Variants in UGT1A9 observed in about 807,000 individuals in gnomAD.
UGT1A9 encodes UDP-glucuronosyltransferase 1A9.
Under a neutral mutation model 45.0 loss-of-function variants are expected in UGT1A9, and 35 were observed. The ratio of observed to expected loss-of-function variants is 0.78; its 90% CI spans 0.59 to 1.03. The LOEUF is 1.03. Ranked by LOEUF, UGT1A9 falls within the 50% of genes least tolerant of loss-of-function variation. The pLI is 0.00. For synonymous variants in UGT1A9, 278 were observed against 250.6 expected (o/e 1.11, Z -1.03); for missense variants, 687 against 666.6 (o/e 1.03, Z -0.34).
At chr2:233,747,470 G>C in intron 1 of UGT1A9, 4 of 1,608,766 alleles carry the variant, frequency 2.5e-6, no homozygotes, top group Non-Finnish European at 3.4e-6. Context: ...CATGGACCCA[G>C]GATGAATTTG....
rs558109660 is a variant in UGT1A9, at chr2:233,768,353, TA to T, written c.1211del (p.Lys404ArgfsTer5). The T allele has an allele frequency of 4.0e-5, 64 of 1,614,032 alleles. No individual in the cohort carries two copies. Among genetic ancestry groups the T allele is most frequent in the Non-Finnish European group, 5.4e-5 (64 of 1,180,040 alleles). ...TGGACAATGCAAAGCGCATGGAGAC[TA>T]AGGGAGCTGGAGTGACCCTGAATGT... ...QMDNAKRMET[K>X]GAGVTLNVLE... is the part of the protein sequence containing the mutation. On this transcript the variant is annotated frameshift_variant, in exon 4 of 5. Coordinates refer to ENST00000354728, the MANE Select transcript of UGT1A9 (RefSeq NM_021027.3). LOFTEE classifies it high-confidence loss of function.
At chr2:233,707,897 T>C (rs1272333206) in intron 1 of UGT1A9, among the ~76,000 whole-genome samples, 2 of 152,256 alleles carry the variant, frequency 1.3e-5, no homozygotes, top group Non-Finnish European at 1.5e-5. Context: ...GTTATGTACA[T>C]GACTGATTAT....
At position 233,772,394 on chromosome 2, in the gene UGT1A9, C is replaced by T. The variant is rs369610863; in HGVS notation, c.1428C>T (p.His476=). Reference sequence around the variant, plus strand: ...CGCCACACCTGCGCCCCGCAGCCCACGACCTCACCTGGTACCAGTACCATT... The same window carrying T: ...CGCCACACCTGCGCCCCGCAGCCCATGACCTCACCTGGTACCAGTACCATT... ...KGAPHLRPAA[H]DLTWYQYHSL... The change falls in exon 5 of 5, where the codon CAC becomes CAT. Residue 476 remains histidine, a synonymous_variant. Coordinates refer to ENST00000354728, the MANE Select transcript of UGT1A9 (RefSeq NM_021027.3). 1.2e-5 allele frequency: 19 copies of T among 1,614,144 alleles called. No homozygotes were observed. The highest frequency in any genetic ancestry group is 1.2e-4 in the Admixed American group (7 of 60,014).
rs116067611 is a variant in UGT1A9 at position 233,693,093 on chromosome 2, T to G, written c.855+20304T>G. The G allele has an allele frequency of 3.1e-6, 5 of 1,614,220 alleles. No homozygotes were observed. The East Asian group carries it at 1.1e-4, about 36-fold the overall frequency. ...GGCATGGTTGTAGGTGACAAGCTGCTGGTGGTCCCTCAGGACGGAAGCCAC... is the reference window on the plus strand; with the variant it reads ...GGCATGGTTGTAGGTGACAAGCTGCGGGTGGTCCCTCAGGACGGAAGCCAC... On this transcript the variant is annotated intron_variant, in intron 1 of 4. Coordinates refer to ENST00000354728, the MANE Select transcript of UGT1A9 (RefSeq NM_021027.3).
chr2:233,685,948 A>G (rs1322463324), intron 1 of UGT1A9, among the ~76,000 whole-genome samples: 1 of 152,228 alleles, frequency 6.6e-6, no homozygotes, highest in Non-Finnish European at 1.5e-5. Flanking sequence ...AAAGTCTTTT[A>G]TATGTAGATC....
intron 1 of UGT1A9, among the ~76,000 whole-genome samples, chr2:233,757,479 A>G (rs1206962025): frequency 6.1e-5 from 9 of 148,148 alleles, no homozygotes; most frequent in African/African-American, 1.5e-4. Context: ...CTCCAAAACC[A>G]TGGACTGGCA....
At position 233,746,718 on chromosome 2, in the gene UGT1A9, T is replaced by A. The variant is rs1161016418; in HGVS notation, c.856-20316T>A. The stretch of plus-strand genomic sequence containing the variant: ...ATAAATATTTGGTGGATAAGGGAAT[T>A]AGCAATGGATTCTGCTTTGGTTCCA... On this transcript the variant is annotated intron_variant, in intron 1 of 4. Transcript: ENST00000354728. Among the ~76,000 whole-genome samples, 3 of 151,822 alleles carry A rather than the reference T, an allele frequency of 2.0e-5. 1 individual carries two copies. Among genetic ancestry groups the A allele is most frequent in the African/African-American group, 7.3e-5 (3 of 41,076 alleles).
rs772152340 is a variant in UGT1A9, at chr2:233,672,241, C to T, written c.307C>T (p.Arg103Ter). 3.7e-6 allele frequency: 6 copies of T among 1,613,836 alleles called. No homozygotes were observed. In the African/African-American group the frequency reaches 4.0e-5, roughly 11 times the overall value. Residue 103 changes from arginine to a stop codon, truncating the protein, a stop_gained, in exon 1 of 5, where the codon CGA (arginine) becomes TGA (stop). Coordinates refer to ENST00000354728, the MANE Select transcript of UGT1A9 (RefSeq NM_021027.3). LOFTEE classifies it high-confidence loss of function. ...FAHAQWKAQV[R>*]SIYSLLMGSY... ...CCATGCTCAATGGAAAGCACAAGTA[C>T]GAAGTATATATTCTCTATTAATGGG...
chr2:233,705,916 C>A (rs1399675251), intron 1 of UGT1A9, among the ~76,000 whole-genome samples: 4 of 152,120 alleles, frequency 2.6e-5, no homozygotes, highest in Admixed American at 6.5e-5. Flanking sequence ...AGTGAAACTC[C>A]TTCTCTACTA....
At chr2:233,693,176 G>A in intron 1 of UGT1A9, 1 of 1,614,172 alleles carries the variant, frequency 6.2e-7, no homozygotes, top group Non-Finnish European at 8.5e-7. Context: ...TGAGATTGTA[G>A]TGGTGGTGCC....
chr2:233,747,124 G>A, intron 1 of UGT1A9: 2 of 1,489,224 alleles, frequency 1.3e-6, no homozygotes, highest in Non-Finnish European at 1.8e-6. Flanking sequence ...TTTGCTAAGT[G>A]GCTCAGTGAC....
intron 1 of UGT1A9, chr2:233,682,241 T>C (rs765671686): frequency 9.3e-6 from 15 of 1,614,092 alleles, no homozygotes; most frequent in Admixed American, 5.0e-5. Flanking sequence ...GACGGCACCA[T>C]TGCGAAGTGC....
intron 1 of UGT1A9, among the ~76,000 whole-genome samples, chr2:233,680,099 T>C (rs17874939): frequency 6.6e-6 from 1 of 152,166 alleles, no homozygotes; most frequent in African/African-American, 2.4e-5. Context: ...CAGGCAATCA[T>C]AGCGGCAGAG....
chr2:233,740,554 T>C (rs983150710), intron 1 of UGT1A9: 2 of 151,778 alleles, frequency 1.3e-5, no homozygotes, highest in African/African-American at 4.9e-5. Context: ...CCAGAAAAAA[T>C]GTCCGGCATT....
chr2:233,714,057 A>C (rs2076363113), intron 1 of UGT1A9, among the ~76,000 whole-genome samples: 1 of 152,148 alleles, frequency 6.6e-6, no homozygotes, highest in African/African-American at 2.4e-5. Context: ...GGCCACTGAG[A>C]GGAAGGAGAG....
chr2:233,715,268 C>A (rs1400036159), intron 1 of UGT1A9, among the ~76,000 whole-genome samples: 1 of 152,186 alleles, frequency 6.6e-6, no homozygotes, highest in Non-Finnish European at 1.5e-5. Context: ...CCTTACATAA[C>A]AAATTCTCCT....
chr2:233,727,605 T>G (rs973059053), intron 1 of UGT1A9, among the ~76,000 whole-genome samples: 2 of 152,184 alleles, frequency 1.3e-5, no homozygotes, highest in African/African-American at 4.8e-5. Flanking sequence ...GTTGGAGGAA[T>G]AGTTCAGAGG....
At chr2:233,737,721 C>CA (rs1559381748) in intron 1 of UGT1A9, among the ~76,000 whole-genome samples, 2 of 151,324 alleles carry the variant, frequency 1.3e-5, no homozygotes, top group Non-Finnish European at 3.0e-5. Flanking sequence ...CCAACACCTC[C>CA]TTTTTTTTTC....
At chr2:233,713,179 T>G in intron 1 of UGT1A9, 1 of 1,614,174 alleles carries the variant, frequency 6.2e-7, no homozygotes, top group Middle Eastern at 1.6e-4. Flanking sequence ...GTCCTCACCC[T>G]GGAGGTGAAT....
Sources: gnomAD v4.1 joint callset for allele counts (sites outside exome capture counted in the v4.1 genomes callset) on GRCh38, gnomAD v4.1.1 for gene constraint, MANE v1.5 for transcripts, NCBI Gene and HGNC (gene_info 2026-07-23, HGNC 2026-07-21) for gene names.